Variants in PCDHA1 observed in about 807,000 individuals in gnomAD.
PCDHA1 encodes the protein protocadherin alpha 1.
Under a neutral mutation model 61.3 loss-of-function variants are expected in PCDHA1, and 42 were observed. The ratio of observed to expected loss-of-function variants is 0.69; its 90% CI spans 0.54 to 0.89. PCDHA1 has a LOEUF of 0.89. PCDHA1 is among the 40% of genes least tolerant of loss of function. The pLI, the probability that PCDHA1 is intolerant of heterozygous loss-of-function variation, is 0.00. For missense variants in PCDHA1, 1,256 were observed against 1,235.3 expected (o/e 1.02, Z -0.25); for synonymous variants, 610 against 553.8 (o/e 1.10, Z -1.43).
At chr5:140,857,963 A>G (rs630162) in intron 1 of PCDHA1, 997,914 of 1,595,004 alleles carry the variant, frequency 0.63, 344,648 homozygotes, top group African/African-American at 0.69. Context: ...TCTGGATGAG[A>G]CTGACTCGCC....
Position 140,814,177 on chromosome 5 carries a change from T to C in PCDHA1, c.2394+25493T>C, listed in dbSNP as rs2126652611. On this transcript the variant is annotated intron_variant, in intron 1 of 3. Coordinates refer to ENST00000504120, the MANE Select transcript of PCDHA1 (RefSeq NM_018900.4). ...TATATCCTTATTTTACAAGTTTTTT[T>C]GACTTTTAATTTTTTTATTTTTTTC... 1.3e-5 allele frequency: 2 copies of C among 152,850 alleles called. 1 individual carries two copies. The highest frequency in any genetic ancestry group is 4.1e-4 in the South Asian group (2 of 4,892). 9.5% of individuals were successfully genotyped at this position (152,850 alleles called of 1,614,324 possible).
intron 1 of PCDHA1, among the ~76,000 whole-genome samples, chr5:140,827,663 G>A (rs1447950540): frequency 1.3e-5 from 2 of 152,174 alleles, no homozygotes; most frequent in Non-Finnish European, 2.9e-5. Context: ...AAGCAGTTCC[G>A]TTAACACTTA....
rs2150373759 is a variant in PCDHA1 at position 140,844,778 on chromosome 5, T to C, written c.2394+56094T>C. On this transcript the variant is annotated intron_variant, in intron 1 of 3. Coordinates refer to ENST00000504120, the MANE Select transcript of PCDHA1 (RefSeq NM_018900.4). ...TTTGAAAAATCCAAGATACTTTATT[T>C]TGGTATCTTTCAACATTTTCTTTCT... Among the ~76,000 whole-genome samples the C allele has an allele frequency of 4.0e-5, 6 of 149,392 alleles. 1 individual carries two copies. Among genetic ancestry groups the C allele is most frequent in the African/African-American group, 1.5e-4 (6 of 40,816 alleles).
At chr5:140,831,488 T>C (rs370733379) in intron 1 of PCDHA1, among the ~76,000 whole-genome samples, 1 of 148,694 alleles carries the variant, frequency 6.7e-6, no homozygotes, top group African/African-American at 2.5e-5. Context: ...GCCTCTGGAG[T>C]TACTACACAC....
intron 1 of PCDHA1, chr5:140,830,527 A>G (rs2150187420): frequency 7.6e-7 from 1 of 1,307,954 alleles, no homozygotes; most frequent in Non-Finnish European, 1.0e-6. Context: ...TTTATTTTAA[A>G]TTTATAATTG....
intron 3 of PCDHA1, among the ~76,000 whole-genome samples, chr5:141,009,130 G>A (rs1395175038): frequency 2.0e-5 from 3 of 152,188 alleles, no homozygotes; most frequent in African/African-American, 7.2e-5. Flanking sequence ...TGGTATCCTG[G>A]TGAAAAAACC....
At chr5:140,877,970 T>A in intron 1 of PCDHA1, 1 of 1,279,190 alleles carries the variant, frequency 7.8e-7, no homozygotes. Flanking sequence ...TTCTTGGTCA[T>A]TCTTACTCAT....
intron 1 of PCDHA1, among the ~76,000 whole-genome samples, chr5:140,871,781 T>C (rs2053304252): frequency 6.6e-6 from 1 of 152,238 alleles, no homozygotes. Flanking sequence ...CTGTAGTCAC[T>C]TGAGTAGAAA....
intron 2 of PCDHA1, among the ~76,000 whole-genome samples, chr5:140,979,920 C>T (rs1554241253): frequency 6.6e-6 from 1 of 152,206 alleles, no homozygotes; most frequent in Non-Finnish European, 1.5e-5. Flanking sequence ...AAGAGAAAGC[C>T]TACAAAGTAT....
chr5:140,957,513 T>C (rs76093065), intron 1 of PCDHA1, among the ~76,000 whole-genome samples: 3,563 of 152,232 alleles, frequency 0.023, 49 homozygotes, highest in Middle Eastern at 0.034. Flanking sequence ...TTATCCTTGG[T>C]TTCAGACATT....
chr5:140,827,867 C>G (rs1298214398), intron 1 of PCDHA1: 3 of 615,732 alleles, frequency 4.9e-6, no homozygotes, highest in Non-Finnish European at 8.5e-6. Flanking sequence ...TATGGTATAG[C>G]ACTGTTACGT....
At chr5:140,829,928 C>T (rs1554132400) in intron 1 of PCDHA1, 1 of 1,613,972 alleles carries the variant, frequency 6.2e-7, no homozygotes, top group East Asian at 2.2e-5. Context: ...TGAGCTGCAG[C>T]CCCCGGCAAG....
At chr5:140,996,355 G>A (rs1164124431) in intron 3 of PCDHA1, among the ~76,000 whole-genome samples, 1 of 152,218 alleles carries the variant, frequency 6.6e-6, no homozygotes, top group Non-Finnish European at 1.5e-5. Flanking sequence ...ACCAAAGTCA[G>A]AAGCCATTTT....
chr5:140,882,602 A>G lies in PCDHA1; in HGVS notation c.2394+93918A>G, dbSNP rs782347582. 1.9e-6 allele frequency: 3 copies of G among 1,614,276 alleles called. No homozygotes were observed. In the South Asian group the frequency reaches 3.3e-5, roughly 18 times the overall value. ...CATCCACCTGGAGGTGATCGTGGAC[A>G]GGCCTCTGCAGGTTTTCCATGTGGA... On this transcript the variant is annotated intron_variant, in intron 1 of 3. Coordinates refer to ENST00000504120, the MANE Select transcript of PCDHA1 (RefSeq NM_018900.4).
At chr5:140,884,301 C>G (rs375535055) in intron 1 of PCDHA1, 2 of 1,613,726 alleles carry the variant, frequency 1.2e-6, no homozygotes, top group South Asian at 1.1e-5. Context: ...GCGCCACAGG[C>G]TTCGTCGAGG....
intron 1 of PCDHA1, among the ~76,000 whole-genome samples, chr5:140,942,479 A>G (rs1341688235): frequency 6.6e-6 from 1 of 152,154 alleles, no homozygotes; most frequent in East Asian, 1.9e-4. Flanking sequence ...TTCAAGCTAC[A>G]ACTGAAATAA....
intron 1 of PCDHA1, chr5:140,841,681 C>G: frequency 6.2e-7 from 1 of 1,613,906 alleles, no homozygotes; most frequent in Non-Finnish European, 8.5e-7. Context: ...TCCATGTGGA[C>G]GTGGAGGTGA....
chr5:140,954,895 A>G (rs782412576), intron 1 of PCDHA1, among the ~76,000 whole-genome samples: 66 of 152,096 alleles, frequency 4.3e-4, no homozygotes, highest in African/African-American at 1.4e-3. Context: ...TAGGGTTTTT[A>G]TAGTTTCATA....
In PCDHA1 at chr5:140,787,572, C is replaced by T. The variant is rs1554117874; in HGVS notation, c.1282C>T (p.Arg428Trp). ...GGTCTATGAGCTGGTGGTGACCGCG[C>T]GGGACGGGGGCTCGCCTTCGCTGTG... The part of the protein sequence containing the change: ...LSVYELVVTA[R>W]DGGSPSLWAT... Residue 428 changes from arginine (R) to tryptophan (W), a missense_variant, in exon 1 of 4, where the codon CGG (arginine) becomes TGG (tryptophan). Transcript: ENST00000504120. 1.9e-6 allele frequency: 3 copies of T among 1,614,190 alleles called. No individual in the cohort carries two copies. Among genetic ancestry groups the T allele is most frequent in the South Asian group, 1.1e-5 (1 of 91,074 alleles).
Sources: allele counts gnomAD v4.1 joint callset (sites outside exome capture counted in the v4.1 genomes callset), GRCh38; gene constraint gnomAD v4.1.1; transcripts MANE v1.5; gene names NCBI Gene and HGNC (gene_info 2026-07-23, HGNC 2026-07-21).